MAN1A2: variants seen among roughly 807,000 people sequenced by gnomAD.
The protein encoded by MAN1A2 is mannosidase alpha class 1A member 2.
Under a neutral mutation model 75.7 loss-of-function variants are expected in MAN1A2, and 26 were observed. The observed-to-expected ratio is 0.34, with a 90% confidence interval of 0.25 to 0.48. The LOEUF is 0.48. Ranked by LOEUF, MAN1A2 falls within the 20% of genes least tolerant of loss-of-function variation. The pLI is 0.99. For synonymous variants in MAN1A2, 247 were observed against 264.6 expected, an observed-to-expected ratio of 0.93 and a Z score of 0.65; for missense variants, 562 against 775.5, an observed-to-expected ratio of 0.72 and a Z score of 3.27.
intron 3 of MAN1A2, among the ~76,000 whole-genome samples, chr1:117,408,328 ATG>A (rs1647684034): frequency 6.6e-6 from 1 of 151,162 alleles, no homozygotes. Flanking sequence ...AAAAAGCAGA[ATG>A]AGTTCTTTCT....
At chr1:117,440,279 G>A (rs186261932) in intron 5 of MAN1A2, among the ~76,000 whole-genome samples, 2 of 152,316 alleles carry the variant, frequency 1.3e-5, no homozygotes, top group East Asian at 3.9e-4. Flanking sequence ...ACATGACCAG[G>A]AACCATGTAT....
intron 5 of MAN1A2, among the ~76,000 whole-genome samples, chr1:117,434,747 CTGTGTGTGTGTGTGTGTGTGTGTGTG>C (rs61681259): frequency 1.5e-5 from 2 of 135,422 alleles, no homozygotes; most frequent in South Asian, 2.6e-4. Flanking sequence ...TTGGTTACAG[CTGTGTGTGTGTGTGTGTGTGTGTGTG>C]TGTGTGTGTG....
rs74644421 is a variant in MAN1A2 at position 117,501,944 on chromosome 1, G to A, written c.1678-911G>A. ...ATGTGCTTTCCACTTTTCATGATTGGTTGAATTCTGGACTGTGCTGTACCT... is the reference window on the plus strand; with the variant it reads ...ATGTGCTTTCCACTTTTCATGATTGATTGAATTCTGGACTGTGCTGTACCT... On this transcript the variant is annotated intron_variant, in intron 11 of 12. Coordinates refer to ENST00000356554, the MANE Select transcript of MAN1A2 (RefSeq NM_006699.5). Among the ~76,000 whole-genome samples the A allele has an allele frequency of 4.5e-3, 680 of 151,836 alleles. 4 individuals are homozygous for A. Among genetic ancestry groups the A allele is most frequent in the African/African-American group, 0.015 (643 of 41,492 alleles).
intron 4 of MAN1A2, among the ~76,000 whole-genome samples, chr1:117,417,690 GCACA>G (rs34249748): frequency 1.4e-5 from 2 of 142,684 alleles, no homozygotes; most frequent in Non-Finnish European, 1.5e-5. Flanking sequence ...AAGTAGGCGT[GCACA>G]CACACACACA....
intron 6 of MAN1A2, among the ~76,000 whole-genome samples, chr1:117,458,523 A>ATATAGATATAGATAT (rs1553236643): frequency 9.5e-6 from 1 of 105,610 alleles, no homozygotes; most frequent in Non-Finnish European, 2.0e-5. Context: ...ATATATATAT[A>ATATAGATATAGATAT]TTTTTTTTTT....
intron 5 of MAN1A2, among the ~76,000 whole-genome samples, chr1:117,426,964 A>ATAC (rs1416939182): frequency 6.6e-6 from 1 of 152,196 alleles, no homozygotes; most frequent in Admixed American, 6.5e-5. Context: ...TTATATACAT[A>ATAC]TACTAGGCTG....
chr1:117,478,905 T>C (rs959361388), intron 8 of MAN1A2, among the ~76,000 whole-genome samples: 1 of 151,924 alleles, frequency 6.6e-6, no homozygotes, highest in Non-Finnish European at 1.5e-5. Context: ...TTGCATTTTC[T>C]TTCTTTCTTT....
rs565521477 is a variant in MAN1A2, at chr1:117,502,241, C to G, written c.1678-614C>G. ...AAAGCTCTTAGAACAGCATTCAGCA[C>G]ATAGTAAATACCTTATAATTGTTAA... On this transcript the variant is annotated intron_variant, in intron 11 of 12. Transcript: ENST00000356554. 2.0e-5 allele frequency among the ~76,000 whole-genome samples: 3 copies of G among 151,774 alleles called. No homozygotes were observed. The South Asian group carries it at 6.2e-4, about 32-fold the overall frequency.
chr1:117,505,686 A>G (rs1651336797), intron 12 of MAN1A2, among the ~76,000 whole-genome samples: 1 of 151,334 alleles, frequency 6.6e-6, no homozygotes, highest in Non-Finnish European at 1.5e-5. Flanking sequence ...CCTGGCAGCT[A>G]AAGCAAAAAG....
At chr1:117,447,025 C>T (rs1278685507) in intron 6 of MAN1A2, among the ~76,000 whole-genome samples, 1 of 152,052 alleles carries the variant, frequency 6.6e-6, no homozygotes, top group African/African-American at 2.4e-5. Context: ...GTGTCTTCAT[C>T]TCTGGTAATG....
chr1:117,495,167 A>G (rs2101875400), intron 9 of MAN1A2, among the ~76,000 whole-genome samples: 1 of 151,894 alleles, frequency 6.6e-6, no homozygotes, highest in Admixed American at 6.6e-5. Context: ...TTCATGAATC[A>G]TCTGCTATAT....
chr1:117,376,497 A>G (rs1237759863), intron 1 of MAN1A2, among the ~76,000 whole-genome samples: 3 of 152,250 alleles, frequency 2.0e-5, no homozygotes, highest in African/African-American at 7.2e-5. Context: ...ACGCCCAGAG[A>G]GTAAAGCCAT....
chr1:117,439,856 T>G (rs1648973519), intron 5 of MAN1A2, among the ~76,000 whole-genome samples: 1 of 152,188 alleles, frequency 6.6e-6, no homozygotes, highest in Non-Finnish European at 1.5e-5. Flanking sequence ...AAAAAGCCAC[T>G]CATAAATTGC....
intron 3 of MAN1A2, among the ~76,000 whole-genome samples, chr1:117,406,110 G>A (rs1310891899): frequency 2.6e-5 from 4 of 152,078 alleles, no homozygotes; most frequent in Non-Finnish European, 4.4e-5. Flanking sequence ...CAGTTCCTAA[G>A]GAAAAATTAA....
intron 6 of MAN1A2, among the ~76,000 whole-genome samples, chr1:117,448,087 T>G (rs1207120345): frequency 2.6e-5 from 4 of 152,168 alleles, no homozygotes; most frequent in Non-Finnish European, 5.9e-5. Context: ...GTATCCTCTC[T>G]GAGTTCCTGG....
intron 9 of MAN1A2, chr1:117,494,154 C>T (rs1182587446): frequency 6.6e-6 from 1 of 152,058 alleles, no homozygotes; most frequent in African/African-American, 2.4e-5. Context: ...AACAGTCTGG[C>T]TGCCGAGCCA....
At chr1:117,429,760 T>C (rs1226720414) in intron 5 of MAN1A2, among the ~76,000 whole-genome samples, 18 of 82,886 alleles carry the variant, frequency 2.2e-4, no homozygotes, top group East Asian at 1.2e-3. Context: ...GGCGGGGGGC[T>C]GACCCCCCCA....
chr1:117,388,693 C>T (rs964681172), intron 1 of MAN1A2, among the ~76,000 whole-genome samples: 2 of 152,068 alleles, frequency 1.3e-5, no homozygotes, highest in East Asian at 3.9e-4. Context: ...CCCACCTCCC[C>T]AACACTGGGG....
chr1:117,431,201 G>A (rs1174747040), intron 5 of MAN1A2, among the ~76,000 whole-genome samples: 2 of 15,480 alleles, frequency 1.3e-4, no homozygotes, highest in African/African-American at 4.6e-4. Context: ...GAGAGGGAGG[G>A]GGAGGGGGAG....
Sources: gnomAD v4.1 joint callset for allele counts (sites outside exome capture counted in the v4.1 genomes callset) on GRCh38, gnomAD v4.1.1 for gene constraint, MANE v1.5 for transcripts, NCBI Gene and HGNC (gene_info 2026-07-23, HGNC 2026-07-21) for gene names.